KDM2A: variants seen among roughly 807,000 people sequenced by gnomAD.
The protein encoded by KDM2A is lysine-specific demethylase 2A.
A neutral mutation model predicts 137.3 loss-of-function variants in KDM2A; 3 were observed. The ratio of observed to expected loss-of-function variants is 0.02; its 90% CI spans 0.01 to 0.06. The LOEUF is 0.06. Ranked by LOEUF, KDM2A falls within the 10% of genes least tolerant of loss-of-function variation. The pLI is 1.00. For synonymous variants in KDM2A, 512 were observed against 541.5 expected, an observed-to-expected ratio of 0.95 and a Z score of 0.76; for missense variants, 738 against 1,510.6, an observed-to-expected ratio of 0.49 and a Z score of 8.48.
chr11:67,226,928 G>C (rs530917887), intron 10 of KDM2A, among the ~76,000 whole-genome samples: 3 of 152,144 alleles, frequency 2.0e-5, no homozygotes, highest in African/African-American at 7.2e-5. Context: ...GAAAGAGCAA[G>C]ACCCTGTCTC....
chr11:67,253,529 C>T lies in KDM2A; in HGVS notation c.3009C>T (p.Leu1003=), dbSNP rs779170228. 1 of 1,613,992 alleles carries T rather than the reference C, an allele frequency of 6.2e-7. No homozygotes were observed. The highest frequency in any genetic ancestry group is 2.2e-5 in the East Asian group (1 of 44,890). ...SALSTSSCPL[L]RTLDLRWAVG... ...TCAGCACCTCCAGCTGCCCCCTTCT[C>T]AGGACCCTTGATCTTCGGTGGGCAG... Residue 1003 remains leucine (L), a synonymous_variant, in exon 19 of 21, where the codon CTC becomes CTT. Transcript: ENST00000529006.
intron 10 of KDM2A, among the ~76,000 whole-genome samples, chr11:67,220,330 A>G (rs532928481): frequency 2.6e-5 from 4 of 152,264 alleles, no homozygotes; most frequent in African/African-American, 9.6e-5. Flanking sequence ...GATTTTTATA[A>G]GGCCAGACAT....
chr11:67,129,278 G>A (rs905123528), intron 2 of KDM2A, among the ~76,000 whole-genome samples: 2 of 152,194 alleles, frequency 1.3e-5, no homozygotes, highest in African/African-American at 4.8e-5. Flanking sequence ...AAATAATAAA[G>A]TGTCTAGTTG....
intron 2 of KDM2A, among the ~76,000 whole-genome samples, chr11:67,141,284 C>G (rs545569365): frequency 6.6e-6 from 1 of 152,082 alleles, no homozygotes; most frequent in South Asian, 2.1e-4. Flanking sequence ...TTGTAATGAC[C>G]AAGTCAGAGT....
intron 2 of KDM2A, among the ~76,000 whole-genome samples, chr11:67,168,157 A>C (rs912224088): frequency 2.0e-5 from 3 of 152,146 alleles, no homozygotes; most frequent in Admixed American, 6.5e-5. Context: ...GATACTGATA[A>C]ATCTAGTAAG....
intron 17 of KDM2A, chr11:67,252,459 G>A (rs1413501833): frequency 1.9e-6 from 1 of 532,280 alleles, no homozygotes; most frequent in Non-Finnish European, 3.4e-6. Flanking sequence ...TCAGGGTAAA[G>A]TGGTCAAGTT....
intron 5 of KDM2A, among the ~76,000 whole-genome samples, chr11:67,195,086 T>C (rs1012960664): frequency 3.3e-5 from 5 of 152,070 alleles, no homozygotes; most frequent in Admixed American, 6.6e-5. Flanking sequence ...CCTAAAGACA[T>C]TTGCAGCTCA....
At chr11:67,195,859 GTAT>G in intron 5 of KDM2A, 1 of 264,260 alleles carries the variant, frequency 3.8e-6, no homozygotes, top group Admixed American at 4.7e-5. Context: ...TCCGTTGCCA[GTAT>G]TTTATTTTCT....
chr11:67,166,433 G>A (rs377220515), intron 2 of KDM2A, among the ~76,000 whole-genome samples: 20 of 151,992 alleles, frequency 1.3e-4, no homozygotes, highest in South Asian at 1.0e-3. Context: ...TGATCCGCCC[G>A]CCTTGGCCTC....
At chr11:67,232,300 A>G (rs1190724281) in intron 12 of KDM2A, among the ~76,000 whole-genome samples, 1 of 152,220 alleles carries the variant, frequency 6.6e-6, no homozygotes, top group African/African-American at 2.4e-5. Context: ...AAAACTCAGG[A>G]CAAAAGTGAC....
chr11:67,152,622 C>T (rs1178804437), intron 2 of KDM2A, among the ~76,000 whole-genome samples: 2 of 151,802 alleles, frequency 1.3e-5, no homozygotes, highest in Non-Finnish European at 2.9e-5. Context: ...AAAAAAAATC[C>T]CTTAAAAATT....
chr11:67,227,124 G>A (rs992881231), intron 10 of KDM2A, among the ~76,000 whole-genome samples: 1 of 152,136 alleles, frequency 6.6e-6, no homozygotes, highest in Non-Finnish European at 1.5e-5. Flanking sequence ...CTTTTGGGAA[G>A]AATGGAAAGA....
chr11:67,185,101 A>G (rs1268089774), intron 5 of KDM2A, among the ~76,000 whole-genome samples: 21 of 152,208 alleles, frequency 1.4e-4, no homozygotes, highest in Admixed American at 9.8e-4. Flanking sequence ...ACTAAGGAAT[A>G]TGTGGAGGAA....
intron 5 of KDM2A, among the ~76,000 whole-genome samples, chr11:67,205,991 C>G (rs1294436998): frequency 6.6e-6 from 1 of 152,174 alleles, no homozygotes; most frequent in East Asian, 1.9e-4. Context: ...TTTACTGCCG[C>G]TTGAGCACCT....
At chr11:67,170,627 A>G (rs1001327929) in intron 2 of KDM2A, among the ~76,000 whole-genome samples, 28 of 151,626 alleles carry the variant, frequency 1.8e-4, no homozygotes, top group Non-Finnish European at 3.2e-4. Context: ...GTTAGCCAGG[A>G]TGGTCTCGAT....
intron 12 of KDM2A, among the ~76,000 whole-genome samples, chr11:67,241,219 C>G (rs986487997): frequency 2.0e-5 from 3 of 152,092 alleles, no homozygotes; most frequent in Non-Finnish European, 2.9e-5. Flanking sequence ...ATTTTTCACC[C>G]TAGGGAGATT....
intron 2 of KDM2A, among the ~76,000 whole-genome samples, chr11:67,125,173 T>A (rs886597788): frequency 6.6e-6 from 1 of 151,274 alleles, no homozygotes; most frequent in East Asian, 1.9e-4. Flanking sequence ...GAGGGAACTT[T>A]CTTTTTTTTT....
intron 15 of KDM2A, among the ~76,000 whole-genome samples, chr11:67,247,076 T>TATATATAA (rs1565424329): frequency 1.4e-5 from 1 of 70,610 alleles, no homozygotes; most frequent in South Asian, 5.4e-4. Flanking sequence ...TATATATTTT[T>TATATATAA]TTTTTTTTTT....
At chr11:67,232,053 A>G in intron 12 of KDM2A, 93 bp downstream of exon 12, 1 of 1,274,766 alleles carries the variant, frequency 7.8e-7, no homozygotes, top group Middle Eastern at 2.7e-4. Context: ...ATTTTGGGTG[A>G]TCTCTGGTTC....
Sources: gnomAD v4.1 joint callset for allele counts (sites outside exome capture counted in the v4.1 genomes callset) on GRCh38, gnomAD v4.1.1 for gene constraint, MANE v1.5 for transcripts, NCBI Gene and HGNC (gene_info 2026-07-23, HGNC 2026-07-21) for gene names.